ADGRL2: variants seen among roughly 807,000 people sequenced by gnomAD.
ADGRL2 encodes the protein adhesion G protein-coupled receptor L2.
A neutral mutation model predicts 157.4 loss-of-function variants in ADGRL2; 44 were observed. That is an observed-to-expected ratio of 0.28 (90% CI 0.22 to 0.36). ADGRL2 has a LOEUF of 0.36. Among genes scored for constraint, ADGRL2 ranks in the 10% least tolerant of loss-of-function variants. The probability of loss-of-function intolerance (pLI) is 1.00; values close to 1 mark genes in which losing one functional copy is unlikely to be tolerated. For synonymous variants in ADGRL2, 585 were observed against 624.7 expected, an observed-to-expected ratio of 0.94 and a Z score of 0.95; for missense variants, 1,510 against 1,768.9, an observed-to-expected ratio of 0.85 and a Z score of 2.63.
In ADGRL2 at chr1:81,952,182, G is replaced by A. The variant is rs199883261; in HGVS notation, c.1794+40G>A. 6.6e-5 allele frequency: 99 copies of A among 1,501,090 alleles called. 1 individual carries two copies. The African/African-American group carries it at 1.3e-3, about 20-fold the overall frequency. The allele number at this position is 1,501,090 out of a possible 1,614,324, so 93.0% of individuals were successfully genotyped here. The stretch of plus-strand genomic sequence containing the variant: ...TCTGTTATTTTGAATTAGACACTTG[G>A]TATGGCAGCTCTTTCTTGTCTTATA... On this transcript the variant is annotated intron_variant, in intron 9 of 23. Transcript: ENST00000686636.
chr1:81,936,236 A>G (rs1235044630), intron 3 of ADGRL2, among the ~76,000 whole-genome samples: 1 of 151,942 alleles, frequency 6.6e-6, no homozygotes, highest in Admixed American at 6.6e-5. Flanking sequence ...TTAGAGGATA[A>G]AATTAAAATC....
chr1:81,961,399 C>T (rs4970652), intron 11 of ADGRL2, among the ~76,000 whole-genome samples: 151,411 of 152,296 alleles, frequency 0.99, 75,270 homozygotes, highest in Middle Eastern at 1. Context: ...ATCTTTATTA[C>T]TTAGCATTAA....
intron 2 of ADGRL2, among the ~76,000 whole-genome samples, chr1:81,784,991 C>G (rs2086972361): frequency 6.6e-6 from 1 of 151,802 alleles, no homozygotes; most frequent in Non-Finnish European, 1.5e-5. Context: ...ATATGAGAAG[C>G]TTAGTTTTAC....
intron 1 of ADGRL2, among the ~76,000 whole-genome samples, chr1:81,357,919 C>T (rs527719471): frequency 1.3e-5 from 2 of 152,186 alleles, no homozygotes; most frequent in East Asian, 3.9e-4. Context: ...GCTCAGAATG[C>T]TGTTATGGAA....
chr1:81,542,673 A>G (rs1246697898), intron 2 of ADGRL2, among the ~76,000 whole-genome samples: 1 of 152,212 alleles, frequency 6.6e-6, no homozygotes, highest in Non-Finnish European at 1.5e-5. Context: ...CTAAGAATAC[A>G]GTGGCTATTA....
chr1:81,705,258 C>A (rs1340839138), intron 1 of ADGRL2, among the ~76,000 whole-genome samples: 1 of 152,074 alleles, frequency 6.6e-6, no homozygotes, highest in Non-Finnish European at 1.5e-5. Flanking sequence ...GTCTTGAACT[C>A]CTGACCTTGT....
chr1:81,570,577 C>T (rs1379066928), intron 2 of ADGRL2, among the ~76,000 whole-genome samples: 19 of 151,930 alleles, frequency 1.3e-4, no homozygotes, highest in African/African-American at 3.4e-4. Flanking sequence ...TTAGTAGAGA[C>T]GGGGTTTCGC....
chr1:81,644,171 TA>T (rs983383371), intron 3 of ADGRL2, among the ~76,000 whole-genome samples: 2 of 152,098 alleles, frequency 1.3e-5, no homozygotes, highest in Non-Finnish European at 2.9e-5. Context: ...CATCTACATG[TA>T]AAAAATAAAT....
upstream of ADGRL2, among the ~76,000 whole-genome samples, chr1:81,696,729 G>GA (rs1400265909): frequency 3.9e-5 from 6 of 152,112 alleles, no homozygotes; most frequent in Admixed American, 1.3e-4. Context: ...TCCAGCCTGG[G>GA]CGACAGAGCG....
chr1:81,608,466 A>C (rs1424981706), intron 3 of ADGRL2, among the ~76,000 whole-genome samples: 1 of 152,220 alleles, frequency 6.6e-6, no homozygotes, highest in Non-Finnish European at 1.5e-5. Context: ...CATCACAGGG[A>C]AAAAGAGCAC....
intron 1 of ADGRL2, among the ~76,000 whole-genome samples, chr1:81,759,813 C>A (rs984074301): frequency 6.6e-6 from 1 of 152,020 alleles, no homozygotes; most frequent in Non-Finnish European, 1.5e-5. Context: ...CTTCTCTGAC[C>A]TGTATTCAAG....
intron 1 of ADGRL2, among the ~76,000 whole-genome samples, chr1:81,437,825 G>A (rs981534866): frequency 6.6e-6 from 1 of 152,196 alleles, no homozygotes; most frequent in African/African-American, 2.4e-5. Flanking sequence ...TAATAGAACT[G>A]AATGATAATG....
intron 1 of ADGRL2, among the ~76,000 whole-genome samples, chr1:81,335,489 A>G (rs1661570222): frequency 6.6e-6 from 1 of 152,204 alleles, no homozygotes; most frequent in East Asian, 1.9e-4. Flanking sequence ...CTCACCCCCA[A>G]ACCAAAACTG....
intron 23 of ADGRL2, among the ~76,000 whole-genome samples, chr1:81,989,153 T>C (rs1402108419): frequency 6.6e-6 from 1 of 152,170 alleles, no homozygotes; most frequent in Non-Finnish European, 1.5e-5. Context: ...AAATAGAGCA[T>C]GTTACCATGT....
intron 2 of ADGRL2, among the ~76,000 whole-genome samples, chr1:81,483,661 G>A (rs992436424): frequency 2.6e-5 from 4 of 152,116 alleles, no homozygotes; most frequent in African/African-American, 9.7e-5. Context: ...TCCAAATACT[G>A]CTAGTTATAG....
intron 2 of ADGRL2, among the ~76,000 whole-genome samples, chr1:81,549,120 G>A (rs116584721): frequency 5.5e-4 from 84 of 152,200 alleles, no homozygotes; most frequent in South Asian, 1.7e-3. Flanking sequence ...CATTTGCAAC[G>A]GCACCAGGAT....
chr1:81,677,914 A>G (rs1557558848), intron 3 of ADGRL2, among the ~76,000 whole-genome samples: 1 of 152,104 alleles, frequency 6.6e-6, no homozygotes, highest in Non-Finnish European at 1.5e-5. Context: ...ATCTTCTACC[A>G]TTTCTCATCA....
chr1:81,932,543 C>T (rs1249242091), intron 3 of ADGRL2, among the ~76,000 whole-genome samples: 1 of 152,158 alleles, frequency 6.6e-6, no homozygotes, highest in Non-Finnish European at 1.5e-5. Context: ...AGTAAAGTAT[C>T]TAAACCTATC....
At chr1:81,975,572 A>G (rs1473780565) in intron 17 of ADGRL2, among the ~76,000 whole-genome samples, 1 of 151,960 alleles carries the variant, frequency 6.6e-6, no homozygotes, top group African/African-American at 2.4e-5. Context: ...GTAAATGCGT[A>G]TCAAAGGCAG....
Sources: gnomAD v4.1 joint callset for allele counts (sites outside exome capture counted in the v4.1 genomes callset) on GRCh38, gnomAD v4.1.1 for gene constraint, MANE v1.5 for transcripts, NCBI Gene and HGNC (gene_info 2026-07-23, HGNC 2026-07-21) for gene names.